The following CNBD1 variants were observed in gnomAD, a reference collection of about 807,000 sequenced individuals.
CNBD1 encodes the protein cyclic nucleotide binding domain containing 1, also known as cyclic nucleotide-binding domain-containing protein 1.
A neutral mutation model predicts 54.4 loss-of-function variants in CNBD1; 71 were observed. The ratio of observed to expected loss-of-function variants is 1.30; its 90% confidence interval spans 1.08 to 1.59. The LOEUF (loss-of-function observed/expected upper bound fraction) is 1.59. CNBD1 is among the 40% of genes most tolerant of loss of function. The pLI is 0.00. For synonymous variants in CNBD1, 182 were observed against 170.7 expected (o/e 1.07, Z -0.51); for missense variants, 659 against 518.0 (o/e 1.27, Z -2.64).
chr8:86,873,418 A>C (rs547167296), intron 1 of CNBD1, among the ~76,000 whole-genome samples: 1 of 151,092 alleles, frequency 6.6e-6, no homozygotes, highest in Non-Finnish European at 1.5e-5. Context: ...TGTTTTTTTT[A>C]AAAAAGGATT....
intron 10 of CNBD1, among the ~76,000 whole-genome samples, chr8:87,365,871 T>A: frequency 6.6e-6 from 1 of 152,222 alleles, no homozygotes; most frequent in East Asian, 1.9e-4. Flanking sequence ...AATTTTATAA[T>A]GTCTCCCACA....
Position 87,372,103 on chromosome 8 carries a change from C to A in CNBD1, c.1304-10517C>A, listed in dbSNP as rs146960328. 9.7e-3 allele frequency among the ~76,000 whole-genome samples: 1,475 copies of A among 152,062 alleles called. 21 individuals carry two copies. The highest frequency in any genetic ancestry group is 0.033 in the African/African-American group (1,359 of 41,522). ...TCCAGAAAACCCCACTGTCTCAGCC[C>A]AAAATCTTCTTAAGCTGATAAGCAA... On this transcript the variant is annotated intron_variant, in intron 10 of 10. Transcript: ENST00000518476.
intron 8 of CNBD1, among the ~76,000 whole-genome samples, chr8:87,332,341 C>T (rs1298262484): frequency 7.3e-6 from 1 of 137,428 alleles, no homozygotes; most frequent in Non-Finnish European, 1.6e-5. Context: ...GAGGGAAACT[C>T]TGTCTAAAGA....
chr8:86,896,254 G>T (rs1208992996), intron 2 of CNBD1, among the ~76,000 whole-genome samples: 1 of 151,588 alleles, frequency 6.6e-6, no homozygotes, highest in Non-Finnish European at 1.5e-5. Flanking sequence ...TTTTAAATTG[G>T]TATATAATAA....
At chr8:86,896,561 T>A (rs1388121222) in intron 2 of CNBD1, among the ~76,000 whole-genome samples, 1 of 152,202 alleles carries the variant, frequency 6.6e-6, no homozygotes, top group African/African-American at 2.4e-5. Flanking sequence ...TTTTTGATAC[T>A]ATCATAAAGG....
At chr8:86,967,172 G>A (rs1258862896) in intron 4 of CNBD1, among the ~76,000 whole-genome samples, 1 of 152,198 alleles carries the variant, frequency 6.6e-6, no homozygotes, top group Non-Finnish European at 1.5e-5. Flanking sequence ...TGCAGAAAAA[G>A]TGCGTGTGGG....
At chr8:87,033,486 T>C (rs1809839103) in intron 4 of CNBD1, among the ~76,000 whole-genome samples, 1 of 152,182 alleles carries the variant, frequency 6.6e-6, no homozygotes, top group African/African-American at 2.4e-5. Flanking sequence ...CTTCTTTTTG[T>C]ACAACCAGGA....
At chr8:87,178,234 C>T (rs1292013324) in intron 4 of CNBD1, among the ~76,000 whole-genome samples, 1 of 152,036 alleles carries the variant, frequency 6.6e-6, no homozygotes, top group African/African-American at 2.4e-5. Flanking sequence ...TGTATTGGAA[C>T]ATGATTAGTG....
In CNBD1 at chr8:87,100,554, C is replaced by T. The variant is rs185874630; in HGVS notation, c.432-105439C>T. ...AGTGCAGTGGTGCAGTCTTGGCTAA[C>T]TGCAGCCTCCACCTCCCAAGTTCAA... On this transcript the variant is annotated intron_variant, in intron 4 of 10. Transcript: ENST00000518476. 7.2e-4 allele frequency among the ~76,000 whole-genome samples: 110 copies of T among 152,272 alleles called. 1 individual carries two copies. Among genetic ancestry groups the T allele is most frequent in the Admixed American group, 1.8e-3 (27 of 15,298 alleles).
chr8:87,067,998 C>A (rs114009099), intron 4 of CNBD1, among the ~76,000 whole-genome samples: 1 of 151,990 alleles, frequency 6.6e-6, no homozygotes, highest in South Asian at 2.1e-4. Context: ...TAAAAACAGG[C>A]ACACTTAATC....
intron 10 of CNBD1, among the ~76,000 whole-genome samples, chr8:87,379,923 A>G (rs1229172554): frequency 6.6e-6 from 1 of 151,608 alleles, no homozygotes; most frequent in Non-Finnish European, 1.5e-5. Flanking sequence ...CTTAAATATG[A>G]CCAAATGATT....
chr8:87,286,932 C>T (rs1563538657), intron 8 of CNBD1, among the ~76,000 whole-genome samples: 3 of 152,048 alleles, frequency 2.0e-5, no homozygotes, highest in Admixed American at 6.6e-5. Context: ...TCCGCACTTG[C>T]TCCACCCTGA....
chr8:87,284,750 G>T lies in CNBD1; in HGVS notation c.844G>T (p.Val282Leu). ...TGAATCGGAAACACAGATGTTCTCG[G>T]TGGTGACAGAAGACGATTGTGAAAT... Reference protein sequence around the residue: ...QNESETQMFSVVTEDDCEILK... With the variant: ...QNESETQMFSLVTEDDCEILK... The change falls in exon 7 of 11, where the codon GTG becomes TTG. Residue 282 changes from valine to leucine, a missense_variant. Val to Leu is a conservative substitution (Grantham distance 32). Transcript: ENST00000518476. 1 of 1,603,546 alleles carries T rather than the reference G, an allele frequency of 6.2e-7. No homozygotes were observed.
At chr8:87,105,674 G>T (rs1206092615) in intron 4 of CNBD1, among the ~76,000 whole-genome samples, 3 of 152,082 alleles carry the variant, frequency 2.0e-5, no homozygotes, top group Admixed American at 6.6e-5. Context: ...GAGTATAGCT[G>T]CTGTGCCTTC....
intron 4 of CNBD1, among the ~76,000 whole-genome samples, chr8:87,205,567 A>G (rs192590358): frequency 4.6e-5 from 7 of 152,248 alleles, no homozygotes; most frequent in Admixed American, 1.3e-4. Flanking sequence ...TTTCCATTTG[A>G]TCTAACTTTA....
At chr8:87,327,362 C>A (rs1159816400) in intron 8 of CNBD1, among the ~76,000 whole-genome samples, 3 of 150,284 alleles carry the variant, frequency 2.0e-5, no homozygotes, top group African/African-American at 7.4e-5. Flanking sequence ...GCTTTGTTTA[C>A]CTAAGCAAGC....
intron 6 of CNBD1, among the ~76,000 whole-genome samples, chr8:87,283,201 T>C (rs1808629368): frequency 6.6e-6 from 1 of 152,134 alleles, no homozygotes; most frequent in Non-Finnish European, 1.5e-5. Flanking sequence ...TACAAATTAT[T>C]GTGACCATTA....
intron 8 of CNBD1, among the ~76,000 whole-genome samples, chr8:87,293,441 GGCT>G (rs1808821423): frequency 6.6e-6 from 1 of 152,214 alleles, no homozygotes; most frequent in East Asian, 1.9e-4. Context: ...CTACCTAGGA[GGCT>G]GAGGCAGGAG....
intron 2 of CNBD1, among the ~76,000 whole-genome samples, chr8:87,393,033 G>C (rs1811340332): frequency 6.6e-6 from 1 of 151,870 alleles, no homozygotes. Context: ...TGTTAGGACT[G>C]TGTGATGACT....
Sources: gnomAD v4.1 joint callset for allele counts (sites outside exome capture counted in the v4.1 genomes callset) on GRCh38, gnomAD v4.1.1 for gene constraint, MANE v1.5 for transcripts, NCBI Gene and HGNC (gene_info 2026-07-23, HGNC 2026-07-21) for gene names.